PDE9A: variants seen among roughly 807,000 people sequenced by gnomAD.
The protein encoded by PDE9A is phosphodiesterase 9A.
PDE9A carries 60 observed loss-of-function variants against 87.4 expected under a neutral mutation model. That is an observed-to-expected ratio of 0.69 (90% CI 0.56 to 0.85). The LOEUF (loss-of-function observed/expected upper bound fraction) is 0.85, where lower values mean the gene tolerates loss of function less well. Among genes scored for constraint, PDE9A ranks in the 40% least tolerant of loss-of-function variants. The pLI is 0.00. For synonymous variants in PDE9A, 272 were observed against 279.4 expected (o/e 0.97, Z 0.27); for missense variants, 665 against 779.0 (o/e 0.85, Z 1.74).
chr21:42,742,444 T>G (rs1374189755), intron 7 of PDE9A, among the ~76,000 whole-genome samples: 1 of 149,234 alleles, frequency 6.7e-6, no homozygotes, highest in East Asian at 2.0e-4. Context: ...TCATAGGGAG[T>G]TGAAGCTGTC....
intron 4 of PDE9A, among the ~76,000 whole-genome samples, chr21:42,710,403 C>T: frequency 8.0e-6 from 1 of 124,524 alleles, no homozygotes; most frequent in African/African-American, 3.5e-5. Context: ...AGCGAGACTC[C>T]ATCTCAAAAA....
intron 1 of PDE9A, among the ~76,000 whole-genome samples, chr21:42,654,769 C>T (rs2056923079): frequency 6.6e-6 from 1 of 152,142 alleles, no homozygotes; most frequent in South Asian, 2.1e-4. Context: ...TGCATTTGGC[C>T]AGTTTAATCA....
At chr21:42,688,231 C>T (rs995002472) in intron 3 of PDE9A, among the ~76,000 whole-genome samples, 5 of 152,142 alleles carry the variant, frequency 3.3e-5, no homozygotes, top group East Asian at 1.9e-4. Context: ...TGCTTCTCAA[C>T]GGGAGGAGGC....
rs1296783821 is a variant in PDE9A, at chr21:42,695,683, T to A, written c.219-3285T>A. ...GCTCCAGGCCTCCTCCTCCTCCTAT[T>A]AAATGTGTTTTAAAAGAGGTCTTAG... On this transcript the variant is annotated intron_variant, in intron 3 of 19. Coordinates refer to ENST00000291539, the MANE Select transcript of PDE9A (RefSeq NM_002606.3). The surrounding 1 kb of genome is among the most constrained non-coding windows in gnomAD (Gnocchi z 4.3). Among the ~76,000 whole-genome samples the A allele has an allele frequency of 6.6e-6, 1 of 152,216 alleles. No homozygotes were observed. The highest frequency in any genetic ancestry group is 1.5e-5 in the Non-Finnish European group (1 of 68,030).
At chr21:42,765,040 C>A (rs2056255184) in intron 14 of PDE9A, among the ~76,000 whole-genome samples, 1 of 109,640 alleles carries the variant, frequency 9.1e-6, no homozygotes, top group East Asian at 2.4e-4. Context: ...GGTGGATGGA[C>A]AAATGGATGG....
chr21:42,674,681 T>C (rs1451130323), intron 1 of PDE9A, among the ~76,000 whole-genome samples: 2 of 152,122 alleles, frequency 1.3e-5, no homozygotes, highest in African/African-American at 2.4e-5. Context: ...CCCCATTTCC[T>C]CCAGGAACCT....
At position 42,769,104 on chromosome 21, in the gene PDE9A, G is replaced by A. The variant is rs746530162; in HGVS notation, c.1539G>A (p.Gln513=). 6.2e-7 allele frequency: 1 copy of A among 1,613,974 alleles called. No homozygotes were observed. Among genetic ancestry groups the A allele is most frequent in the Admixed American group, 1.7e-5 (1 of 60,000 alleles). ...ACAAAGTGACCAAGGCCACAGCCCA[G>A]ATTGGGTTCATCAAGTTTGTCCTGA... ...DRDKVTKATA[Q]IGFIKFVLIP... The change falls in exon 17 of 20, where the codon CAG becomes CAA. Residue 513 remains glutamine (Q), a synonymous_variant. Coordinates refer to ENST00000291539, the MANE Select transcript of PDE9A (RefSeq NM_002606.3).
At chr21:42,711,976 C>CT (rs1330111042) in intron 4 of PDE9A, among the ~76,000 whole-genome samples, 2 of 152,102 alleles carry the variant, frequency 1.3e-5, no homozygotes, top group Non-Finnish European at 1.5e-5. Flanking sequence ...ATCAGGTACT[C>CT]TAAGTTCTCC....
Position 42,760,279 on chromosome 21 carries a change from GGT to G in PDE9A, c.898-47_898-46del, listed in dbSNP as rs1491520221. 3 of 1,119,952 alleles carry G rather than the reference GGT, an allele frequency of 2.7e-6. 1 individual carries two copies. In the South Asian group the frequency reaches 3.7e-5, roughly 14 times the overall value. 69.4% of individuals were successfully genotyped at this position (1,119,952 alleles called of 1,614,324 possible). On this transcript the variant is annotated intron_variant, in intron 11 of 19. Transcript: ENST00000291539. The surrounding 1 kb of genome is among the most constrained non-coding windows in gnomAD (Gnocchi z 5.2). Reference sequence around the variant, plus strand: ...CCTTCTGGGTGGCTTTGGGAGGAGAGGTGGGCGGGCCCAGGCACAGGGTGACT... The same window carrying G: ...CCTTCTGGGTGGCTTTGGGAGGAGAGGGGCGGGCCCAGGCACAGGGTGACT...
rs749668499 is a variant in PDE9A, at chr21:42,760,815, T to C, written c.1003-10T>C. ...GAGAGCAAACACCTACGCCCTGTTT[T>C]CCAATCCAGGAGAAGTTCTCACAAA... On this transcript the variant is annotated splice_polypyrimidine_tract_variant and intron_variant, in intron 12 of 19. Transcript: ENST00000291539. This position sits in a 1 kb window ranked among gnomAD's most constrained non-coding sequence, Gnocchi z 5.2. 6.3e-6 allele frequency: 10 copies of C among 1,581,898 alleles called. No individual in the cohort carries two copies. In the South Asian group the frequency reaches 1.0e-4, roughly 16 times the overall value.
chr21:42,742,874 A>G (rs2053461059), intron 7 of PDE9A, among the ~76,000 whole-genome samples: 1 of 152,082 alleles, frequency 6.6e-6, no homozygotes, highest in Non-Finnish European at 1.5e-5. Flanking sequence ...AGGGTCTCCA[A>G]AATATCTCAA....
At chr21:42,762,275 G>T in intron 14 of PDE9A, 36 bp downstream of exon 14, 2 of 1,602,318 alleles carry the variant, frequency 1.2e-6, no homozygotes, top group Non-Finnish European at 1.7e-6. Context: ...CGGAGTGGGG[G>T]CACATTCAGG....
intron 4 of PDE9A, among the ~76,000 whole-genome samples, chr21:42,710,268 G>A (rs1287816173): frequency 6.6e-6 from 1 of 152,112 alleles, no homozygotes; most frequent in African/African-American, 2.4e-5. Context: ...AATTAGCAGG[G>A]TGTGGTGGTG....
chr21:42,676,052 C>A (rs922245951), intron 1 of PDE9A, among the ~76,000 whole-genome samples: 1 of 152,140 alleles, frequency 6.6e-6, no homozygotes, highest in African/African-American at 2.4e-5. Flanking sequence ...CTCTCCCTCA[C>A]GGGTGTGCAC....
chr21:42,688,466 T>G (rs2059599981), intron 3 of PDE9A, among the ~76,000 whole-genome samples: 2 of 152,016 alleles, frequency 1.3e-5, no homozygotes, highest in South Asian at 4.2e-4. Flanking sequence ...GCCCAGGAAG[T>G]CAAGAGGAGA....
intron 1 of PDE9A, among the ~76,000 whole-genome samples, chr21:42,657,799 G>A (rs1179984402): frequency 5.3e-5 from 8 of 152,212 alleles, no homozygotes; most frequent in Non-Finnish European, 7.3e-5. Flanking sequence ...CTGACCTGGC[G>A]GCCCCCTCGG....
intron 9 of PDE9A, among the ~76,000 whole-genome samples, chr21:42,753,772 G>A (rs1450911469): frequency 3.3e-5 from 5 of 150,852 alleles, no homozygotes; most frequent in East Asian, 3.9e-4. Context: ...GCTGAGGCAC[G>A]AGAATCACTT....
chr21:42,662,408 C>T (rs1171033752), intron 1 of PDE9A, among the ~76,000 whole-genome samples: 1 of 152,012 alleles, frequency 6.6e-6, no homozygotes, highest in Non-Finnish European at 1.5e-5. Context: ...CCTCCATGCC[C>T]CTTCCGACTG....
At chr21:42,754,654 C>T (rs945990694) in intron 10 of PDE9A, among the ~76,000 whole-genome samples, 1 of 152,208 alleles carries the variant, frequency 6.6e-6, no homozygotes, top group Admixed American at 6.5e-5. Context: ...GTCATAATCC[C>T]CACGTGTCAA....
Sources: gnomAD v4.1 joint callset for allele counts (sites outside exome capture counted in the v4.1 genomes callset) on GRCh38, gnomAD v4.1.1 for gene constraint, Gnocchi (gnomAD v3.1) non-coding constraint, MANE v1.5 for transcripts, NCBI Gene and HGNC (gene_info 2026-07-23, HGNC 2026-07-21) for gene names.